RTL1: variants seen among roughly 807,000 people sequenced by gnomAD.
RTL1 encodes the protein retrotransposon Gag like 1.
For synonymous variants in RTL1, 727 were observed against 748.4 expected (o/e 0.97, Z 0.47); for missense variants, 1,681 against 1,767.5 (o/e 0.95, Z 0.88).
At position 100,882,207 on chromosome 14, in the gene RTL1, C is replaced by A; in HGVS notation, c.2582G>T (p.Arg861Leu). 6.4e-7 allele frequency: 1 copy of A among 1,550,648 alleles called. No homozygotes were observed. The highest frequency in any genetic ancestry group is 8.7e-7 in the Non-Finnish European group (1 of 1,146,962). ...GGGGTGGTGGAGGAGAGGCGCCTTGCGGAAAGCCCTCTTCAGGCACTCGAA... is the reference window on the plus strand; with the variant it reads ...GGGGTGGTGGAGGAGAGGCGCCTTGAGGAAAGCCCTCTTCAGGCACTCGAA... ...EAFECLKRAF[R>L]KAPLLHHPKP... The change falls in exon 4 of 4, where the codon CGC becomes CTC. Residue 861 changes from arginine to leucine, a missense_variant. By Grantham distance (102) the Arg-to-Leu change is moderately radical (BLOSUM62 -2). Transcript: ENST00000649591.
At chr14:100,888,069 C>G (rs2038717803) in intron 3 of RTL1, among the ~76,000 whole-genome samples, 1 of 152,052 alleles carries the variant, frequency 6.6e-6, no homozygotes, top group South Asian at 2.1e-4. Flanking sequence ...AGACAAAACC[C>G]TCATCAATTT....
At position 100,880,806 on chromosome 14, in the gene RTL1, C is replaced by T. The variant is rs984524922; in HGVS notation, c.3983G>A (p.Arg1328Gln). ...CTCCCAGGCGGGGATGGGCAGGGCC[C>T]GCCTGTAGATCAGGGTCAGGAACTG... ...LSQFLTLIYR[R>Q]ALPIPAWESQ... is the part of the protein sequence containing the mutation. The change falls in exon 4 of 4, where the codon CGG becomes CAG. Residue 1328 changes from arginine (R) to glutamine (Q), a missense_variant. Arg to Gln is a conservative substitution (Grantham distance 43). Transcript: ENST00000649591. 3.6e-5 allele frequency: 56 copies of T among 1,550,534 alleles called. No individual in the cohort carries two copies. The highest frequency in any genetic ancestry group is 4.4e-5 in the Non-Finnish European group (51 of 1,146,966).
At chr14:100,894,322 A>G (rs992978683) in intron 2 of RTL1, among the ~76,000 whole-genome samples, 2 of 142,946 alleles carry the variant, frequency 1.4e-5, no homozygotes, top group South Asian at 2.2e-4. Flanking sequence ...AAAAAAAAAA[A>G]AAAAGAAAAA....
At chr14:100,896,487 A>T (rs1350307253) in intron 2 of RTL1, among the ~76,000 whole-genome samples, 1 of 151,990 alleles carries the variant, frequency 6.6e-6, no homozygotes, top group Non-Finnish European at 1.5e-5. Flanking sequence ...CGTAGATGGG[A>T]GTATGCTTGT....
At chr14:100,885,350 G>A (rs1199930016) in intron 3 of RTL1, among the ~76,000 whole-genome samples, 1 of 152,182 alleles carries the variant, frequency 6.6e-6, no homozygotes, top group Non-Finnish European at 1.5e-5. Flanking sequence ...CAGCCACCTT[G>A]GTTGTGGAGC....
intron 3 of RTL1, among the ~76,000 whole-genome samples, chr14:100,891,480 G>C (rs2038777106): frequency 6.6e-6 from 1 of 152,138 alleles, no homozygotes; most frequent in African/African-American, 2.4e-5. Flanking sequence ...TTCTGTAGAG[G>C]GACCCCCAGC....
At position 100,880,652 on chromosome 14, in the gene RTL1, G is replaced by A. The variant is rs1035479001; in HGVS notation, c.*60C>T. The A allele has an allele frequency of 2.8e-5, 43 of 1,542,690 alleles. No individual in the cohort carries two copies. The highest frequency in any genetic ancestry group is 6.9e-5 in the African/African-American group (5 of 72,888). On this transcript the variant is annotated 3_prime_UTR_variant, in exon 4 of 4. Transcript: ENST00000649591. ...CTGAGGCGCGGGGAGGCCAGGGGAC[G>A]TCGGGAGGTGTTGGGGTGAGAAATA...
Position 100,903,339 on chromosome 14 carries a change from G to GAA in RTL1, c.-198_-197insTT, listed in dbSNP as rs2038968522. ...GTGAGGCTGGGGATGAAGTGATGCC[G>GAA]GTGGCTTAGTGATGCCGGTGGCTTC... On this transcript the variant is annotated 5_prime_UTR_variant, in exon 2 of 4. Coordinates refer to ENST00000649591, the MANE Select transcript of RTL1 (RefSeq NM_001134888.3). 6.6e-6 allele frequency among the ~76,000 whole-genome samples: 1 copy of GAA among 152,018 alleles called. No homozygotes were observed. Among genetic ancestry groups the GAA allele is most frequent in the Non-Finnish European group, 1.5e-5 (1 of 68,012 alleles).
At position 100,884,747 on chromosome 14, in the gene RTL1, C is replaced by T. The variant is rs770148165; in HGVS notation, c.42G>A (p.Glu14=). ...PSEDSFETMM[E]HKNPSSKQME... ...TTTGTTTTGATGATGGATTCTTATG[C>T]TCCATCATCGTCTCAAATGAGTCTT... is the stretch of plus-strand genomic sequence containing the variant. Residue 14 remains glutamate (E), a synonymous_variant, in exon 4 of 4, where the codon GAG becomes GAA. Transcript: ENST00000649591. 2.5e-6 allele frequency: 4 copies of T among 1,601,500 alleles called. No individual in the cohort carries two copies. The highest frequency in any genetic ancestry group is 1.3e-5 in the African/African-American group (1 of 74,154).
rs561197803 is a variant in RTL1 at position 100,903,633 on chromosome 14, A to G, written c.-273T>C. ...CTCTCAGCTGGTGTGAGGCTGGGCC[A>G]GGATGGAACCCCAGACTCTCCGAGG... On this transcript the variant is annotated 5_prime_UTR_variant, in exon 1 of 4. Transcript: ENST00000649591. 4.9e-4 allele frequency among the ~76,000 whole-genome samples: 75 copies of G among 152,314 alleles called. 1 individual carries two copies. Among genetic ancestry groups the G allele is most frequent in the South Asian group, 1.0e-3 (5 of 4,826 alleles).
In RTL1 at chr14:100,882,748, G is replaced by A. The variant is rs773362194; in HGVS notation, c.2041C>T (p.Arg681Cys). The A allele has an allele frequency of 1.9e-6, 3 of 1,551,854 alleles. No individual in the cohort carries two copies. Among genetic ancestry groups the A allele is most frequent in the Middle Eastern group, 1.7e-4 (1 of 5,996 alleles). ...GCTGCTTTCCACACATCTTCGGTGC[G>A]GTGCCCGTTCACGCTTTCCTCCACA... ...TIVEESVNGH[R>C]TEDVWKAAFG... The change falls in exon 4 of 4, where the codon CGC becomes TGC. Residue 681 changes from arginine to cysteine, a missense_variant. Transcript: ENST00000649591.
In RTL1 at chr14:100,903,716, G is replaced by T. The variant is rs996139235; in HGVS notation, c.-356C>A. 2.0e-5 allele frequency among the ~76,000 whole-genome samples: 3 copies of T among 152,170 alleles called. No individual in the cohort carries two copies. Among genetic ancestry groups the T allele is most frequent in the African/African-American group, 4.8e-5 (2 of 41,444 alleles). On this transcript the variant is annotated 5_prime_UTR_variant, in exon 1 of 4. Coordinates refer to ENST00000649591, the MANE Select transcript of RTL1 (RefSeq NM_001134888.3). Reference sequence around the variant, plus strand: ...CAGCGAGGCTGTGCCGAGTGCTGGGGGGGTGTGGGTGGGCAGGGGACGGAT... The same window carrying T: ...CAGCGAGGCTGTGCCGAGTGCTGGGTGGGTGTGGGTGGGCAGGGGACGGAT...
At chr14:100,886,725 A>G (rs2038702113) in intron 3 of RTL1, among the ~76,000 whole-genome samples, 1 of 111,628 alleles carries the variant, frequency 9.0e-6, no homozygotes, top group African/African-American at 2.6e-5. Flanking sequence ...AAATACAAAT[A>G]AATAATTCTA....
At position 100,882,362 on chromosome 14, in the gene RTL1, CAG is replaced by C. The variant is rs1285156014; in HGVS notation, c.2425_2426del (p.Leu809AlafsTer107). The C allele has an allele frequency of 6.4e-7, 1 of 1,551,568 alleles. No individual in the cohort carries two copies. The highest frequency in any genetic ancestry group is 8.7e-7 in the Non-Finnish European group (1 of 1,146,986). On this transcript the variant is annotated frameshift_variant, in exon 4 of 4. Coordinates refer to ENST00000649591, the MANE Select transcript of RTL1 (RefSeq NM_001134888.3). LOFTEE classifies it low-confidence loss of function (END_TRUNC). The stretch of plus-strand genomic sequence containing the variant: ...GGAAGACGAATTCGATGAAGTTTCG[CAG>C]AGATAGCTTGGAGCCAGGGGTAGGG... ...GYPTPGSKLS[L>X]RNFIEFVFPY...
intron 2 of RTL1, chr14:100,898,128 A>G (rs1376498574): frequency 3.7e-6 from 1 of 270,562 alleles, no homozygotes; most frequent in Non-Finnish European, 7.8e-6. Context: ...GGGGAGGAGA[A>G]GCTTTGGTCA....
chr14:100,888,802 G>T lies in RTL1; in HGVS notation c.-86-3928C>A, dbSNP rs528974048. Among the ~76,000 whole-genome samples the T allele has an allele frequency of 1.1e-4, 17 of 151,988 alleles. No homozygotes were observed. In the South Asian group the frequency reaches 3.5e-3, roughly 32 times the overall value. ...AAATTCCAAATTTCTTTTCATATTC[G>T]CAATATTGATCATTTAACTCCTCTG... On this transcript the variant is annotated intron_variant, in intron 3 of 3. Transcript: ENST00000649591.
At chr14:100,899,053 C>T (rs80203467) in intron 2 of RTL1, 2,465 of 152,338 alleles carry the variant, frequency 0.016, 62 homozygotes, top group East Asian at 0.1. Flanking sequence ...TGGGCAGTGT[C>T]GGAGGATCGT....
chr14:100,891,285 C>T (rs182120017), intron 3 of RTL1, among the ~76,000 whole-genome samples: 2 of 152,310 alleles, frequency 1.3e-5, no homozygotes, highest in Admixed American at 1.3e-4. Context: ...AGCCCAGTCT[C>T]GGACATTCCC....
intron 3 of RTL1, among the ~76,000 whole-genome samples, chr14:100,887,210 T>G (rs1296173978): frequency 6.6e-6 from 1 of 152,206 alleles, no homozygotes; most frequent in Non-Finnish European, 1.5e-5. Flanking sequence ...AAACCCTTTA[T>G]TGGCTTAATT....
Sources: allele counts gnomAD v4.1 joint callset (sites outside exome capture counted in the v4.1 genomes callset), GRCh38; gene constraint gnomAD v4.1.1; transcripts MANE v1.5; gene names NCBI Gene and HGNC (gene_info 2026-07-23, HGNC 2026-07-21).